The following TRIP10 variants were observed in gnomAD, a reference collection of about 807,000 sequenced individuals.
TRIP10 encodes thyroid hormone receptor interactor 10.
TRIP10 carries 54 observed loss-of-function variants against 80.9 expected under a neutral mutation model. That is an observed-to-expected ratio of 0.67 (90% CI 0.54 to 0.84). The LOEUF (loss-of-function observed/expected upper bound fraction) is 0.84, where lower values mean the gene tolerates loss of function less well. TRIP10 is among the 40% of genes least tolerant of loss of function. TRIP10 has a pLI of 0.00. For missense variants in TRIP10, 773 were observed against 815.3 expected, an observed-to-expected ratio of 0.95 and a Z score of 0.63; for synonymous variants, 321 against 307.2, an observed-to-expected ratio of 1.04 and a Z score of -0.47.
In TRIP10 at chr19:6,743,122, G is replaced by A. The variant is rs772323725; in HGVS notation, c.345+8G>A. 1.7e-5 allele frequency: 27 copies of A among 1,614,030 alleles called. No individual in the cohort carries two copies. The East Asian group carries it at 2.9e-4, about 17-fold the overall frequency. On this transcript the variant is annotated splice_region_variant and intron_variant, in intron 4 of 14. Transcript: ENST00000313244. Reference sequence around the variant, plus strand: ...AAACAGGAGAGGAAGATGGTGAGGAGCCCCCCGATTCAGGTTTTACAAAGG... The same window carrying A: ...AAACAGGAGAGGAAGATGGTGAGGAACCCCCCGATTCAGGTTTTACAAAGG...
rs1378955838 is a variant in TRIP10, at chr19:6,744,526, T to C, written c.643-28T>C. On this transcript the variant is annotated intron_variant, in intron 7 of 14. Coordinates refer to ENST00000313244, the MANE Select transcript of TRIP10 (RefSeq NM_001288962.2). The surrounding 1 kb of genome is among the most constrained non-coding windows in gnomAD (Gnocchi z 4.9). ...CTTCTAGTCCCTCTGTTAGCACCCC[T>C]GAGCCACCCTTGTCCCTGTCCTTAC... 2 of 1,613,454 alleles carry C rather than the reference T, an allele frequency of 1.2e-6. No individual in the cohort carries two copies. Among genetic ancestry groups the C allele is most frequent in the South Asian group, 2.2e-5 (2 of 91,066 alleles).
In TRIP10 at chr19:6,741,301, G is replaced by A. The variant is rs1968912969; in HGVS notation, c.197+20G>A. 1 of 1,598,770 alleles carries A rather than the reference G, an allele frequency of 6.3e-7. No individual in the cohort carries two copies. Among genetic ancestry groups the A allele is most frequent in the Non-Finnish European group, 8.5e-7 (1 of 1,172,368 alleles). ...GTCCAAGTAAGGTTGGAGAGGGGCT[G>A]CAGGGCTAGATTTGTGGGGAAAGGC... On this transcript the variant is annotated intron_variant, in intron 3 of 14. Coordinates refer to ENST00000313244, the MANE Select transcript of TRIP10 (RefSeq NM_001288962.2).
intron 7 of TRIP10, 111 bp downstream of exon 7, chr19:6,743,947 G>A: frequency 2.1e-6 from 3 of 1,412,300 alleles, no homozygotes; most frequent in African/African-American, 1.4e-5. Context: ...TAGATTGAAA[G>A]GGAATCAGAA....
rs1054851003 is a variant in TRIP10, at chr19:6,744,616, G to A, written c.705G>A (p.Ser235=). 12 of 1,613,812 alleles carry A rather than the reference G, an allele frequency of 7.4e-6. No individual in the cohort carries two copies. The highest frequency in any genetic ancestry group is 1.3e-5 in the African/African-American group (1 of 74,928). ...TRLGAGYGLL[S]EAELEVVPII... is the part of the protein sequence containing the mutation. ...TGGGTGCCGGGTATGGGCTCCTGTC[G>A]GAGGCCGAGCTGGAGGTGGTGCCCA... The change falls in exon 8 of 15, where the codon TCG becomes TCA. Residue 235 remains serine, a synonymous_variant. Coordinates refer to ENST00000313244, the MANE Select transcript of TRIP10 (RefSeq NM_001288962.2). This position sits in a 1 kb window ranked among gnomAD's most constrained non-coding sequence, Gnocchi z 4.9.
rs1306129480 is a variant in TRIP10, at chr19:6,751,376, G to C, written c.*165G>C. ...CCAGTCCTACCTGTCACACCGGACG[G>C]ACCCGCTGTGCCTTCTACCATCGTT... On this transcript the variant is annotated 3_prime_UTR_variant, in exon 15 of 15. Transcript: ENST00000313244. 3.6e-6 allele frequency: 5 copies of C among 1,392,356 alleles called. No homozygotes were observed. The highest frequency in any genetic ancestry group is 4.7e-6 in the Non-Finnish European group (5 of 1,062,866). 86.3% of individuals were successfully genotyped at this position (1,392,356 alleles called of 1,614,324 possible). A position where few individuals can be genotyped will look rare whatever the true frequency, so the allele number is the denominator to read the frequency against.
chr19:6,744,614 T>C lies in TRIP10; in HGVS notation c.703T>C (p.Ser235Pro). ...TRLGAGYGLL[S>P]EAELEVVPII... ...CCTGGGTGCCGGGTATGGGCTCCTG[T>C]CGGAGGCCGAGCTGGAGGTGGTGCC... is the stretch of plus-strand genomic sequence containing the variant. The change falls in exon 8 of 15, where the codon TCG becomes CCG. Residue 235 changes from serine to proline, a missense_variant. By Grantham distance (74) the Ser-to-Pro change is moderately conservative. Coordinates refer to ENST00000313244, the MANE Select transcript of TRIP10 (RefSeq NM_001288962.2). This position sits in a 1 kb window ranked among gnomAD's most constrained non-coding sequence, Gnocchi z 4.9. 1.2e-6 allele frequency: 2 copies of C among 1,613,942 alleles called. No homozygotes were observed. Among genetic ancestry groups the C allele is most frequent in the Non-Finnish European group, 1.7e-6 (2 of 1,179,920 alleles).
Position 6,750,534 on chromosome 19 carries a change from G to A in TRIP10, c.1558G>A (p.Glu520Lys). The A allele has an allele frequency of 6.2e-7, 1 of 1,614,208 alleles. No homozygotes were observed. Residue 520 changes from glutamate (E) to lysine (K), a missense_variant, in exon 14 of 15, where the codon GAG becomes AAG. Transcript: ENST00000313244. ...KESSEEPPSE[E>K]SQDTPIYTEF... is the part of the protein sequence containing the mutation. Reference sequence around the variant, plus strand: ...CAGCTCTGAAGAGCCTCCCTCAGAAGAGAGCCAGGACACCCCCATTTACAC... The same window carrying A: ...CAGCTCTGAAGAGCCTCCCTCAGAAAAGAGCCAGGACACCCCCATTTACAC...
In TRIP10 at chr19:6,746,038, C is replaced by A. The variant is rs765304120; in HGVS notation, c.994C>A (p.Pro332Thr). Residue 332 changes from proline (P) to threonine (T), a missense_variant, in exon 10 of 15, where the codon CCA becomes ACA. By Grantham distance (38) the Pro-to-Thr change is conservative (BLOSUM62 -1). Coordinates refer to ENST00000313244, the MANE Select transcript of TRIP10 (RefSeq NM_001288962.2). The surrounding 1 kb of genome is among the most constrained non-coding windows in gnomAD (Gnocchi z 6.2). ...PFGKKNKPRP[P>T]PLSPLGGPVP... ...CGGCCCCCGCCGGTAGCCTCGCCCC[C>A]CACCCCTCTCCCCCCTGGGGGGCCC... 8.2e-7 allele frequency: 1 copy of A among 1,220,256 alleles called. No homozygotes were observed. The highest frequency in any genetic ancestry group is 1.1e-6 in the Non-Finnish European group (1 of 915,872). 75.6% of individuals were successfully genotyped at this position (1,220,256 alleles called of 1,614,324 possible). A position where few individuals can be genotyped will look rare whatever the true frequency, so the allele number is the denominator to read the frequency against.
At position 6,751,481 on chromosome 19, in the gene TRIP10, TG is replaced by T. The variant is rs374645267; in HGVS notation, c.*273del. 2.1e-4 allele frequency: 160 copies of T among 762,282 alleles called. 1 individual carries two copies. In the African/African-American group the frequency reaches 2.4e-3, roughly 12 times the overall value. 47.2% of individuals were successfully genotyped at this position (762,282 alleles called of 1,614,324 possible). On this transcript the variant is annotated 3_prime_UTR_variant, in exon 15 of 15. Transcript: ENST00000313244. Reference sequence around the variant, plus strand: ...CCGGCCATTTTGTTTTATACAAAAATGGGAAAAAAAAAAAAGAAATTATATA... The same window carrying T: ...CCGGCCATTTTGTTTTATACAAAAATGGAAAAAAAAAAAAGAAATTATATA...
In TRIP10 at chr19:6,745,690, G is replaced by A; in HGVS notation, c.985-339G>A. ...GAGACATGGGCCTCCCTGCCTCCTGGACCCATGCTTGCTCCCGGACATAAC... is the reference window on the plus strand; with the variant it reads ...GAGACATGGGCCTCCCTGCCTCCTGAACCCATGCTTGCTCCCGGACATAAC... On this transcript the variant is annotated intron_variant, in intron 9 of 14. Coordinates refer to ENST00000313244, the MANE Select transcript of TRIP10 (RefSeq NM_001288962.2). This position sits in a 1 kb window ranked among gnomAD's most constrained non-coding sequence, Gnocchi z 7.2. 2.0e-6 allele frequency: 2 copies of A among 985,276 alleles called. No homozygotes were observed. Among genetic ancestry groups the A allele is most frequent in the Non-Finnish European group, 2.4e-6 (2 of 829,886 alleles). 61.0% of individuals were successfully genotyped at this position (985,276 alleles called of 1,614,324 possible).
At position 6,746,091 on chromosome 19, in the gene TRIP10, C is replaced by G. The variant is rs1338435292; in HGVS notation, c.1047C>G (p.Pro349=). 1.8e-5 allele frequency: 27 copies of G among 1,542,028 alleles called. No homozygotes were observed. The highest frequency in any genetic ancestry group is 2.4e-5 in the Non-Finnish European group (27 of 1,143,472). ...GPVPSALPNG[P]PSPRSGRDPL... ...TACCCTCGGCATTGCCTAACGGACC[C>G]CCGTCCCCCCGCTCCGGCCGTGACC... is the stretch of plus-strand genomic sequence containing the variant. The change falls in exon 10 of 15, where the codon CCC becomes CCG. Residue 349 remains proline (P), a synonymous_variant. Transcript: ENST00000313244. This position sits in a 1 kb window ranked among gnomAD's most constrained non-coding sequence, Gnocchi z 6.2.
chr19:6,744,780 C>T lies in TRIP10; in HGVS notation c.790-20C>T. ...ATAGGCTAGGCACTCGACTGCTCAT[C>T]CACTGTCCCCCTCCCCCAGGACTCC... is the stretch of plus-strand genomic sequence containing the variant. On this transcript the variant is annotated intron_variant, in intron 8 of 14. Transcript: ENST00000313244. The surrounding 1 kb of genome is among the most constrained non-coding windows in gnomAD (Gnocchi z 4.9). The T allele has an allele frequency of 6.2e-7, 1 of 1,606,516 alleles. No individual in the cohort carries two copies. The highest frequency in any genetic ancestry group is 8.5e-7 in the Non-Finnish European group (1 of 1,175,726).
chr19:6,751,238 G>A lies in TRIP10; in HGVS notation c.*27G>A, dbSNP rs1266632218. The A allele has an allele frequency of 6.2e-7, 1 of 1,613,368 alleles. No homozygotes were observed. The highest frequency in any genetic ancestry group is 8.5e-7 in the Non-Finnish European group (1 of 1,179,860). On this transcript the variant is annotated 3_prime_UTR_variant, in exon 15 of 15. Transcript: ENST00000313244. ...CCCTGCCAGAGACGGGAAGAGGGGG[G>A]CTGTCGGCTGCTGCTTCTGGGCCAC...
chr19:6,750,662 G>A (rs2093316468), intron 14 of TRIP10, 29 bp downstream of exon 14: 27 of 1,611,834 alleles, frequency 1.7e-5, no homozygotes, highest in Non-Finnish European at 2.2e-5. Context: ...GGCTTGGCGG[G>A]GTATGGGAGG....
At chr19:6,740,707 G>A (rs1968889265) in intron 1 of TRIP10, 4 of 319,224 alleles carry the variant, frequency 1.3e-5, no homozygotes, top group Non-Finnish European at 2.3e-5. Context: ...AGGGGAGCCC[G>A]AGCTGGGGGA....
At chr19:6,741,788 A>G (rs774033860) in intron 3 of TRIP10, among the ~76,000 whole-genome samples, 23 of 152,130 alleles carry the variant, frequency 1.5e-4, no homozygotes, top group Admixed American at 3.3e-4. Flanking sequence ...GTTTGGCAGC[A>G]ATCTCTGACC....
chr19:6,746,053 C>G lies in TRIP10; in HGVS notation c.1009C>G (p.Leu337Val), dbSNP rs767359758. The change falls in exon 10 of 15, where the codon CTG becomes GTG. Residue 337 changes from leucine (L) to valine (V), a missense_variant. Physicochemically the swap from Leu to Val is conservative, Grantham distance 32. Coordinates refer to ENST00000313244, the MANE Select transcript of TRIP10 (RefSeq NM_001288962.2). This position sits in a 1 kb window ranked among gnomAD's most constrained non-coding sequence, Gnocchi z 6.2. Reference protein sequence around the residue: ...NKPRPPPLSPLGGPVPSALPN... With the variant: ...NKPRPPPLSPVGGPVPSALPN... ...GCCTCGCCCCCCACCCCTCTCCCCC[C>G]TGGGGGGCCCCGTACCCTCGGCATT... is the stretch of plus-strand genomic sequence containing the variant. 4.9e-5 allele frequency: 71 copies of G among 1,443,130 alleles called. 3 individuals carry two copies. In the South Asian group the frequency reaches 8.8e-4, roughly 18 times the overall value. The allele number at this position is 1,443,130 out of a possible 1,614,324, so 89.4% of individuals were successfully genotyped here.
At chr19:6,742,893 G>A (rs1968963439) in intron 3 of TRIP10, 74 bp from the exon 4 acceptor site, 1 of 1,561,076 alleles carries the variant, frequency 6.4e-7, no homozygotes, top group Admixed American at 1.9e-5. Context: ...CCACCTGGAG[G>A]TGCGTCCTGG....
chr19:6,745,173 G>A lies in TRIP10; in HGVS notation c.984+179G>A. 2.4e-6 allele frequency: 2 copies of A among 843,248 alleles called. No homozygotes were observed. The highest frequency in any genetic ancestry group is 3.5e-6 in the Non-Finnish European group (2 of 567,698). 52.2% of individuals were successfully genotyped at this position (843,248 alleles called of 1,614,324 possible). A position where few individuals can be genotyped will look rare whatever the true frequency, so the allele number is the denominator to read the frequency against. On this transcript the variant is annotated intron_variant, in intron 9 of 14. Transcript: ENST00000313244. The surrounding 1 kb of genome is among the most constrained non-coding windows in gnomAD (Gnocchi z 7.2). Reference sequence around the variant, plus strand: ...GCCGATTGGCCTGGGAGTCCCCCGAGGCGAAGGCGGGGGCAGGGTGGGGAG... The same window carrying A: ...GCCGATTGGCCTGGGAGTCCCCCGAAGCGAAGGCGGGGGCAGGGTGGGGAG...
Sources: allele counts gnomAD v4.1 joint callset (sites outside exome capture counted in the v4.1 genomes callset), GRCh38; gene constraint gnomAD v4.1.1; non-coding constraint Gnocchi (gnomAD v3.1); transcripts MANE v1.5; gene names NCBI Gene and HGNC (gene_info 2026-07-23, HGNC 2026-07-21).